AFG3L2: variants seen among roughly 807,000 people sequenced by gnomAD.
The protein encoded by AFG3L2 is AFG3 like matrix AAA peptidase subunit 2, also known as mitochondrial inner membrane m-AAA protease component AFG3L2.
Under a neutral mutation model 94.5 loss-of-function variants are expected in AFG3L2, and 54 were observed. That is an observed-to-expected ratio of 0.57 (90% CI 0.46 to 0.72). AFG3L2 has a LOEUF of 0.72. Among genes scored for constraint, AFG3L2 ranks in the 30% least tolerant of loss-of-function variants. The pLI is 0.00. For synonymous variants in AFG3L2, 377 were observed against 365.5 expected (o/e 1.03, Z -0.36); for missense variants, 754 against 994.9 (o/e 0.76, Z 3.26).
At chr18:12,361,718 T>C (rs943893543) in intron 6 of AFG3L2, among the ~76,000 whole-genome samples, 1 of 152,224 alleles carries the variant, frequency 6.6e-6, no homozygotes, top group Non-Finnish European at 1.5e-5. Flanking sequence ...CCAGTGTTAC[T>C]GAGTGAGGAA....
chr18:12,337,033 G>C (rs994551575), intron 16 of AFG3L2: 3 of 562,010 alleles, frequency 5.3e-6, no homozygotes, highest in Non-Finnish European at 6.3e-6. Flanking sequence ...TTCTCATTAG[G>C]AGTACTGTGA....
At chr18:12,360,869 C>G (rs528251145) in intron 6 of AFG3L2, among the ~76,000 whole-genome samples, 1 of 152,134 alleles carries the variant, frequency 6.6e-6, no homozygotes, top group South Asian at 2.1e-4. Context: ...AGTGTCCTAA[C>G]CACAATGTCA....
intron 16 of AFG3L2, among the ~76,000 whole-genome samples, chr18:12,334,977 G>A (rs545915314): frequency 2.0e-5 from 3 of 152,306 alleles, no homozygotes; most frequent in Admixed American, 6.5e-5. Context: ...GACCCTAAAC[G>A]CATTATGCCA....
intron 15 of AFG3L2, 95 bp downstream of exon 15, chr18:12,340,106 G>T: frequency 1.7e-6 from 2 of 1,184,148 alleles, no homozygotes; most frequent in Admixed American, 1.7e-5. Flanking sequence ...AAACAGTGAA[G>T]CACAACTATA....
intron 5 of AFG3L2, among the ~76,000 whole-genome samples, chr18:12,364,652 G>C (rs1188730909): frequency 6.6e-6 from 1 of 151,684 alleles, no homozygotes; most frequent in Non-Finnish European, 1.5e-5. Context: ...TTTTTAAATT[G>C]AATCACCTAG....
intron 1 of AFG3L2, among the ~76,000 whole-genome samples, chr18:12,373,460 G>A (rs1258971418): frequency 1.3e-5 from 2 of 152,150 alleles, no homozygotes; most frequent in African/African-American, 2.4e-5. Context: ...TTACACTATG[G>A]CATAACAATG....
At position 12,329,542 on chromosome 18, in the gene AFG3L2, T is replaced by A. The variant is rs748831145; in HGVS notation, c.*23A>T. ...CCAGCTGAAACCACAGTGGACAGAC[T>A]GAGATGGCCTCCCTCTGGGCCTCTA... On this transcript the variant is annotated 3_prime_UTR_variant, in exon 17 of 17. Coordinates refer to ENST00000269143, the MANE Select transcript of AFG3L2 (RefSeq NM_006796.3). 1 of 1,606,288 alleles carries A rather than the reference T, an allele frequency of 6.2e-7. No homozygotes were observed. The highest frequency in any genetic ancestry group is 1.3e-5 in the African/African-American group (1 of 74,744).
chr18:12,362,457 G>A (rs1908689517), intron 6 of AFG3L2, among the ~76,000 whole-genome samples: 2 of 152,184 alleles, frequency 1.3e-5, no homozygotes, highest in Non-Finnish European at 2.9e-5. Flanking sequence ...TGTCCCTCAA[G>A]ACTGTATAAT....
chr18:12,348,342 CA>C lies in AFG3L2; in HGVS notation c.1593del (p.Ile531MetfsTer10). On this transcript the variant is annotated frameshift_variant, in exon 13 of 17. Transcript: ENST00000269143. LOFTEE classifies it high-confidence loss of function. ...VANVCNEAAL[I>X]AARHLSDSIN... ...ATGGAATCTGACAGATGCCTTGCAGCAATCAACGCAGCTTCATTACAGACAT... is the reference window on the plus strand; with the variant it reads ...ATGGAATCTGACAGATGCCTTGCAGCATCAACGCAGCTTCATTACAGACAT... 8 of 1,614,152 alleles carry C rather than the reference CA, an allele frequency of 5.0e-6. No homozygotes were observed. Among genetic ancestry groups the C allele is most frequent in the Non-Finnish European group, 6.8e-6 (8 of 1,180,030 alleles).
Position 12,366,965 on chromosome 18 carries a change from T to C in AFG3L2, c.552A>G (p.Val184=). 1 of 1,614,216 alleles carries C rather than the reference T, an allele frequency of 6.2e-7. No homozygotes were observed. Among genetic ancestry groups the C allele is most frequent in the Non-Finnish European group, 8.5e-7 (1 of 1,180,024 alleles). ...GCCACCAATCCCATAAAATACTTACTACTCCTTTTGAAAGATAGTTATTGA... is the reference window on the plus strand; with the variant it reads ...GCCACCAATCCCATAAAATACTTACCACTCCTTTTGAAAGATAGTTATTGA... ...DFVNNYLSKG[V]VDRLEVVNKR... The change falls in exon 5 of 17, where the codon GTA becomes GTG. Residue 184 remains valine, a splice_region_variant and synonymous_variant. Transcript: ENST00000269143.
Position 12,371,622 on chromosome 18 carries a change from A to C in AFG3L2, c.184T>G (p.Tyr62Asp), listed in dbSNP as rs374268503. ...NSLLTDIIAA[Y>D]QRFCSRPPKG... ...GGGGGTCGAGAACAGAATCTTTGATAAGCAGCAATTATATCTGTCAAAAGA... is the reference window on the plus strand; with the variant it reads ...GGGGGTCGAGAACAGAATCTTTGATCAGCAGCAATTATATCTGTCAAAAGA... The change falls in exon 2 of 17, where the codon TAT becomes GAT. Residue 62 changes from tyrosine (Y) to aspartate (D), a missense_variant. Tyr to Asp is a radical substitution (Grantham distance 160, BLOSUM62 -3). Coordinates refer to ENST00000269143, the MANE Select transcript of AFG3L2 (RefSeq NM_006796.3). 3.7e-6 allele frequency: 6 copies of C among 1,614,116 alleles called. No homozygotes were observed. The highest frequency in any genetic ancestry group is 5.1e-6 in the Non-Finnish European group (6 of 1,180,030).
intron 10 of AFG3L2, among the ~76,000 whole-genome samples, chr18:12,351,841 CT>C (rs966309912): frequency 3.9e-4 from 60 of 152,214 alleles, no homozygotes; most frequent in African/African-American, 1.4e-3. Context: ...ACCACCGCCC[CT>C]GGCCTATCCA....
intron 13 of AFG3L2, 167 bp from the exon 14 acceptor site, chr18:12,344,414 C>A (rs1908058726): frequency 1.6e-6 from 1 of 640,680 alleles, no homozygotes; most frequent in Admixed American, 2.1e-5. Flanking sequence ...GTGGCTCATG[C>A]CTGTAATCCC....
chr18:12,337,484 G>A lies in AFG3L2; in HGVS notation c.2032C>T (p.Pro678Ser). The change falls in exon 16 of 17, where the codon CCA becomes TCA. Residue 678 changes from proline to serine, a missense_variant. Coordinates refer to ENST00000269143, the MANE Select transcript of AFG3L2 (RefSeq NM_006796.3). ...EKVGQISFDLPRQGDMVLEKP... is the reference protein window; with the variant it reads ...EKVGQISFDLSRQGDMVLEKP... ...TCCAATACCATGTCCCCCTGACGTG[G>A]GAGGTCAAAGGAGATTTGCCCAACC... The A allele has an allele frequency of 3.1e-6, 5 of 1,614,214 alleles. No individual in the cohort carries two copies. The highest frequency in any genetic ancestry group is 4.2e-6 in the Non-Finnish European group (5 of 1,180,040).
intron 15 of AFG3L2, among the ~76,000 whole-genome samples, chr18:12,339,598 G>A (rs1382024038): frequency 6.7e-6 from 1 of 149,784 alleles, no homozygotes; most frequent in Non-Finnish European, 1.5e-5. Flanking sequence ...GCTCACGCCT[G>A]TAATCCCAGC....
rs145199541 is a variant in AFG3L2 at position 12,373,926 on chromosome 18, A to G, written c.115-2235T>C. ...ACCTCCCACTGGGCCCCACCTCTCA[A>G]TACCACCACGATGGGGAACAAATTT... On this transcript the variant is annotated intron_variant, in intron 1 of 16. Coordinates refer to ENST00000269143, the MANE Select transcript of AFG3L2 (RefSeq NM_006796.3). Among the ~76,000 whole-genome samples the G allele has an allele frequency of 6.0e-3, 910 of 152,284 alleles. 7 individuals carry two copies. The highest frequency in any genetic ancestry group is 9.8e-3 in the Non-Finnish European group (664 of 68,004).
chr18:12,365,695 C>T (rs1380492565), intron 5 of AFG3L2, among the ~76,000 whole-genome samples: 6 of 152,104 alleles, frequency 3.9e-5, no homozygotes, highest in Non-Finnish European at 7.3e-5. Flanking sequence ...ACATCCTTAC[C>T]TTCCTGCACA....
chr18:12,372,853 T>C (rs1465233240), intron 1 of AFG3L2, among the ~76,000 whole-genome samples: 1 of 152,150 alleles, frequency 6.6e-6, no homozygotes, highest in Non-Finnish European at 1.5e-5. Flanking sequence ...GATAGACACA[T>C]TAGTAGTTGC....
chr18:12,341,169 CCA>C (rs1229609656), intron 14 of AFG3L2: 1 of 152,170 alleles, frequency 6.6e-6, no homozygotes, highest in Non-Finnish European at 1.5e-5. Flanking sequence ...TCGGACGTGG[CCA>C]CACCCTCCTT....
Sources: allele counts gnomAD v4.1 joint callset (sites outside exome capture counted in the v4.1 genomes callset), GRCh38; gene constraint gnomAD v4.1.1; transcripts MANE v1.5; gene names NCBI Gene and HGNC (gene_info 2026-07-23, HGNC 2026-07-21).